GLRX3: variants seen among roughly 807,000 people sequenced by gnomAD.
GLRX3 encodes glutaredoxin 3.
A neutral mutation model predicts 49.5 loss-of-function variants in GLRX3; 22 were observed. The ratio of observed to expected loss-of-function variants is 0.44; its 90% confidence interval spans 0.32 to 0.63. The LOEUF is 0.63. Among genes scored for constraint, GLRX3 ranks in the 30% least tolerant of loss-of-function variants. The probability of loss-of-function intolerance (pLI) is 0.05; values close to 1 mark genes in which losing one functional copy is unlikely to be tolerated. For missense variants in GLRX3, 385 were observed against 396.3 expected (o/e 0.97, Z 0.24); for synonymous variants, 133 against 140.0 (o/e 0.95, Z 0.35).
chr10:130,138,125 C>T (rs1431697763), intron 1 of GLRX3, among the ~76,000 whole-genome samples: 1 of 152,012 alleles, frequency 6.6e-6, no homozygotes, highest in Non-Finnish European at 1.5e-5. Context: ...GGCGTGATCT[C>T]GGCTCACTGC....
chr10:130,171,728 G>A, intron 8 of GLRX3, 92 bp downstream of exon 8: 1 of 793,472 alleles, frequency 1.3e-6, no homozygotes, highest in South Asian at 1.4e-5. Context: ...CACTTTGGGA[G>A]GCTAAGACAG....
At chr10:130,148,933 C>T (rs969457431) in intron 2 of GLRX3, among the ~76,000 whole-genome samples, 9 of 152,038 alleles carry the variant, frequency 5.9e-5, no homozygotes, top group African/African-American at 1.7e-4. Flanking sequence ...CTGTGTACAC[C>T]TGTTGCCCCA....
At chr10:130,173,350 C>G (rs750092289) in intron 8 of GLRX3, among the ~76,000 whole-genome samples, 1 of 152,184 alleles carries the variant, frequency 6.6e-6, no homozygotes, top group South Asian at 2.1e-4. Context: ...CCTCCCAGCT[C>G]TGGACTTGCT....
intron 8 of GLRX3, 40 bp downstream of exon 8, chr10:130,171,676 T>C: frequency 9.3e-7 from 1 of 1,074,974 alleles, no homozygotes; most frequent in Non-Finnish European, 1.5e-6. Flanking sequence ...TTAAAAAAAT[T>C]CCAACCTGGC....
intron 1 of GLRX3, among the ~76,000 whole-genome samples, chr10:130,137,761 G>A (rs1862089897): frequency 1.3e-5 from 2 of 152,282 alleles, no homozygotes; most frequent in Admixed American, 6.5e-5. Flanking sequence ...TTGAGACAGG[G>A]TCTGGCTCTG....
intron 4 of GLRX3, among the ~76,000 whole-genome samples, chr10:130,161,819 T>C (rs980796304): frequency 3.9e-5 from 6 of 152,216 alleles, no homozygotes; most frequent in Admixed American, 3.9e-4. Context: ...GGCAGTAACA[T>C]TGAGTATGCT....
chr10:130,147,868 C>G (rs941904823), intron 2 of GLRX3, among the ~76,000 whole-genome samples: 1 of 152,110 alleles, frequency 6.6e-6, no homozygotes, highest in African/African-American at 2.4e-5. Context: ...ATAGCAAAAC[C>G]ATCTCTACAA....
chr10:130,167,110 T>G, intron 6 of GLRX3, 130 bp downstream of exon 6: 1 of 527,250 alleles, frequency 1.9e-6, no homozygotes, highest in East Asian at 3.3e-5. Context: ...CATAATTGTT[T>G]AGTCACATTA....
downstream of GLRX3, chr10:130,180,351 T>TA (rs1407838146): frequency 2.6e-5 from 4 of 152,168 alleles, no homozygotes; most frequent in African/African-American, 9.6e-5. Context: ...TCCACTTACT[T>TA]ATAATAAACA....
intron 8 of GLRX3, among the ~76,000 whole-genome samples, chr10:130,173,332 G>A (rs552669114): frequency 4.6e-5 from 7 of 152,144 alleles, no homozygotes; most frequent in Non-Finnish European, 5.9e-5. Context: ...TGCTTTGGGA[G>A]AGCATGACCT....
intron 3 of GLRX3, among the ~76,000 whole-genome samples, 196 bp from the exon 4 acceptor site, chr10:130,160,600 A>G (rs186256610): frequency 6.6e-6 from 1 of 152,254 alleles, no homozygotes; most frequent in East Asian, 1.9e-4. Flanking sequence ...GAGATGTTGC[A>G]GTGTTTTCTC....
At chr10:130,146,147 A>G (rs914621449) in intron 2 of GLRX3, among the ~76,000 whole-genome samples, 17 of 152,362 alleles carry the variant, frequency 1.1e-4, no homozygotes, top group Admixed American at 9.8e-4. Context: ...CCAAATGTCA[A>G]GGTGGCTGTG....
chr10:130,137,228 C>T (rs1388033034), intron 1 of GLRX3, among the ~76,000 whole-genome samples: 1 of 152,208 alleles, frequency 6.6e-6, no homozygotes, highest in East Asian at 1.9e-4. Context: ...TCCAGGTCTT[C>T]AATCCCTGGG....
At chr10:130,174,108 A>G (rs974614182) in intron 8 of GLRX3, among the ~76,000 whole-genome samples, 1 of 152,230 alleles carries the variant, frequency 6.6e-6, no homozygotes, top group Non-Finnish European at 1.5e-5. Flanking sequence ...CATTTTTTGT[A>G]CAAGTAATGT....
In GLRX3 at chr10:130,169,493, A is replaced by G. The variant is rs1489815130; in HGVS notation, c.771+3A>G. ...TCTTTATGAAAGGAAACAAACAGGT[A>G]AAGAACTCAAAAATGGTTTTATTTG... On this transcript the variant is annotated splice_donor_region_variant and intron_variant, in intron 7 of 10. Coordinates refer to ENST00000331244, the MANE Select transcript of GLRX3 (RefSeq NM_006541.5). 6.3e-7 allele frequency: 1 copy of G among 1,583,870 alleles called. No homozygotes were observed. Among genetic ancestry groups the G allele is most frequent in the Non-Finnish European group, 8.7e-7 (1 of 1,152,464 alleles).
At chr10:130,165,104 ATTC>A (rs1301783004) in intron 4 of GLRX3, among the ~76,000 whole-genome samples, 1 of 152,244 alleles carries the variant, frequency 6.6e-6, no homozygotes, top group East Asian at 1.9e-4. Context: ...AGTAAAGCCC[ATTC>A]TTGCAATTAA....
chr10:130,164,978 A>G (rs183479753), intron 4 of GLRX3, among the ~76,000 whole-genome samples: 1 of 152,258 alleles, frequency 6.6e-6, no homozygotes, highest in South Asian at 2.1e-4. Flanking sequence ...AAAGCAACTT[A>G]TATGCTATAC....
At chr10:130,158,215 ATT>A (rs756696306) in intron 2 of GLRX3, among the ~76,000 whole-genome samples, 4 of 144,564 alleles carry the variant, frequency 2.8e-5, no homozygotes, top group Admixed American at 1.4e-4. Context: ...AAGAAATCAG[ATT>A]TTTTTTTTTT....
chr10:130,138,078 G>A (rs1862099814), intron 1 of GLRX3, among the ~76,000 whole-genome samples: 1 of 152,008 alleles, frequency 6.6e-6, no homozygotes, highest in Non-Finnish European at 1.5e-5. Flanking sequence ...TTGTTTTCGA[G>A]ACAGGCTGTT....
Sources: allele counts gnomAD v4.1 joint callset (sites outside exome capture counted in the v4.1 genomes callset), GRCh38; gene constraint gnomAD v4.1.1; transcripts MANE v1.5; gene names NCBI Gene and HGNC (gene_info 2026-07-23, HGNC 2026-07-21).